The following DLG2 variants were observed in gnomAD, a reference collection of about 807,000 sequenced individuals.
DLG2 encodes disks large homolog 2.
In DLG2, 45 loss-of-function variants were observed where a neutral mutation model predicts 132.5. The observed-to-expected ratio is 0.34, with a 90% CI of 0.27 to 0.44. DLG2 has a LOEUF of 0.44. Among genes scored for constraint, DLG2 ranks in the 20% least tolerant of loss-of-function variants. DLG2 has a pLI of 1.00. For missense variants in DLG2, 1,045 were observed against 1,196.9 expected, an observed-to-expected ratio of 0.87 and a Z score of 1.87; for synonymous variants, 424 against 419.6, an observed-to-expected ratio of 1.01 and a Z score of -0.13.
At chr11:83,752,518 A>G (rs2093371232) in intron 18 of DLG2, among the ~76,000 whole-genome samples, 1 of 152,222 alleles carries the variant, frequency 6.6e-6, no homozygotes, top group African/African-American at 2.4e-5. Flanking sequence ...TTGAGAAGTG[A>G]CAATGGAGAT....
intron 4 of DLG2, among the ~76,000 whole-genome samples, chr11:85,159,270 C>T (rs144587089): frequency 5.3e-5 from 8 of 152,196 alleles, no homozygotes; most frequent in South Asian, 2.1e-4. Context: ...ACAGTGTATC[C>T]GGACTCATCC....
At chr11:84,184,610 ATTGCT>A in intron 8 of DLG2, among the ~76,000 whole-genome samples, 1 of 152,238 alleles carries the variant, frequency 6.6e-6, no homozygotes, top group South Asian at 2.1e-4. Flanking sequence ...TTTTGTTGCC[ATTGCT>A]TTTGGTGTTT....
chr11:84,112,479 A>G (rs559861147), intron 9 of DLG2, among the ~76,000 whole-genome samples: 2 of 151,674 alleles, frequency 1.3e-5, no homozygotes, highest in African/African-American at 2.4e-5. Context: ...GAATAAAACA[A>G]TATCTTTTTA....
At chr11:85,174,408 G>A (rs2079079833) in intron 4 of DLG2, among the ~76,000 whole-genome samples, 2 of 152,098 alleles carry the variant, frequency 1.3e-5, no homozygotes, top group Admixed American at 1.3e-4. Flanking sequence ...AAATCAAGAA[G>A]TTCTTTGAAA....
chr11:84,007,924 G>A (rs2094654215), intron 11 of DLG2, among the ~76,000 whole-genome samples: 1 of 151,660 alleles, frequency 6.6e-6, no homozygotes, highest in South Asian at 2.1e-4. Context: ...AGTATTGAAA[G>A]GATATCTATT....
chr11:84,631,217 C>A (rs1459927861), intron 6 of DLG2, among the ~76,000 whole-genome samples: 1 of 151,580 alleles, frequency 6.6e-6, no homozygotes, highest in African/African-American at 2.4e-5. Context: ...GAGACTCTAT[C>A]TTTTCCATTT....
chr11:84,019,048 C>A (rs1246632031), intron 11 of DLG2, among the ~76,000 whole-genome samples: 5 of 151,600 alleles, frequency 3.3e-5, no homozygotes, highest in Admixed American at 3.3e-4. Context: ...TGGCAAAGTT[C>A]TATTTTTGTT....
At chr11:84,790,807 T>C (rs1291272756) in intron 6 of DLG2, among the ~76,000 whole-genome samples, 1 of 152,218 alleles carries the variant, frequency 6.6e-6, no homozygotes, top group East Asian at 1.9e-4. Flanking sequence ...TGCATATGGA[T>C]ATCCAGTTTT....
intron 9 of DLG2, among the ~76,000 whole-genome samples, chr11:84,142,772 T>C (rs1285978483): frequency 6.6e-6 from 1 of 152,264 alleles, no homozygotes; most frequent in East Asian, 1.9e-4. Context: ...CTCTAGATTT[T>C]ATATGGATCC....
chr11:84,746,069 T>C (rs944908590), intron 6 of DLG2, among the ~76,000 whole-genome samples: 1 of 152,080 alleles, frequency 6.6e-6, no homozygotes, highest in African/African-American at 2.4e-5. Context: ...TGATATATTG[T>C]TTCTACTCTC....
At chr11:85,092,557 A>G in intron 6 of DLG2, among the ~76,000 whole-genome samples, 1 of 152,262 alleles carries the variant, frequency 6.6e-6, no homozygotes, top group Non-Finnish European at 1.5e-5. Flanking sequence ...TTTGGCAAAC[A>G]TGAACACTTA....
intron 6 of DLG2, among the ~76,000 whole-genome samples, chr11:84,821,086 G>T (rs918186401): frequency 4.0e-5 from 6 of 151,860 alleles, no homozygotes; most frequent in African/African-American, 1.4e-4. Flanking sequence ...TGTGACACAA[G>T]AATGTACCGT....
At chr11:84,726,267 C>T (rs1427970498) in intron 6 of DLG2, among the ~76,000 whole-genome samples, 3 of 152,058 alleles carry the variant, frequency 2.0e-5, no homozygotes, top group Admixed American at 6.6e-5. Context: ...CCTCCCATAC[C>T]CCCTACCCCC....
chr11:84,003,701 G>C (rs1351643758), intron 11 of DLG2, among the ~76,000 whole-genome samples: 1 of 152,026 alleles, frequency 6.6e-6, no homozygotes, highest in African/African-American at 2.4e-5. Flanking sequence ...TTGACAGATG[G>C]GGATTATGGG....
intron 3 of DLG2, among the ~76,000 whole-genome samples, chr11:85,529,358 A>G (rs144765545): frequency 3.2e-4 from 48 of 152,308 alleles, no homozygotes; most frequent in African/African-American, 1.1e-3. Flanking sequence ...TTGCTGCACC[A>G]TTATCCAGCC....
At chr11:85,010,744 T>C (rs1414146511) in intron 6 of DLG2, among the ~76,000 whole-genome samples, 1 of 152,066 alleles carries the variant, frequency 6.6e-6, no homozygotes, top group Non-Finnish European at 1.5e-5. Flanking sequence ...ATGGGCTTCC[T>C]TAAAGTCCAA....
At chr11:83,805,948 C>T (rs1264489458) in intron 17 of DLG2, among the ~76,000 whole-genome samples, 1 of 152,106 alleles carries the variant, frequency 6.6e-6, no homozygotes, top group Admixed American at 6.6e-5. Flanking sequence ...GATGAGAATG[C>T]TAGAGTTCAA....
intron 4 of DLG2, among the ~76,000 whole-genome samples, chr11:85,266,225 G>A (rs553818983): frequency 6.6e-6 from 1 of 152,362 alleles, no homozygotes; most frequent in African/African-American, 2.4e-5. Context: ...GGGCCAAAGT[G>A]TCTGGCAAGT....
At chr11:85,251,213 A>C (rs1431507609) in intron 4 of DLG2, among the ~76,000 whole-genome samples, 1 of 152,192 alleles carries the variant, frequency 6.6e-6, no homozygotes, top group Non-Finnish European at 1.5e-5. Flanking sequence ...ATAAGGTCTC[A>C]CTATGGAATT....
Sources: gnomAD v4.1 joint callset for allele counts (sites outside exome capture counted in the v4.1 genomes callset) on GRCh38, gnomAD v4.1.1 for gene constraint, MANE v1.5 for transcripts, NCBI Gene and HGNC (gene_info 2026-07-23, HGNC 2026-07-21) for gene names.